The following ABCC12 variants were observed in gnomAD, a reference collection of about 807,000 sequenced individuals.
The protein encoded by ABCC12 is ATP binding cassette subfamily C member 12, also known as ATP-binding cassette sub-family C member 12.
In ABCC12, 142 loss-of-function variants were observed where a neutral mutation model predicts 151.1. That is an observed-to-expected ratio of 0.94 (90% CI 0.82 to 1.08). The LOEUF is 1.08. Ranked by LOEUF, ABCC12 falls within the 50% of genes least tolerant of loss-of-function variation. The pLI is 0.00. For missense variants in ABCC12, 1,638 were observed against 1,691.1 expected (o/e 0.97, Z 0.55); for synonymous variants, 645 against 646.4 (o/e 1.00, Z 0.03).
At position 48,100,891 on chromosome 16, in the gene ABCC12, T is replaced by C. The variant is rs1236541808; in HGVS notation, c.3019A>G (p.Lys1007Glu). ...GLGIIHAYGK[K>E]ESCITYHLLY... Reference sequence around the variant, plus strand: ...ACTCACTAGGTGATGCAGCTCTCCTTCTTGCCATAGGCGTGAATGATGCCC... The same window carrying C: ...ACTCACTAGGTGATGCAGCTCTCCTCCTTGCCATAGGCGTGAATGATGCCC... Residue 1007 changes from lysine (K) to glutamate (E), a missense_variant, in exon 23 of 31, where the codon AAG becomes GAG. Physicochemically the swap from Lys to Glu is moderately conservative, Grantham distance 56. Transcript: ENST00000311303. 6.2e-7 allele frequency: 1 copy of C among 1,614,064 alleles called. No homozygotes were observed. Among genetic ancestry groups the C allele is most frequent in the Non-Finnish European group, 8.5e-7 (1 of 1,180,022 alleles).
intron 11 of ABCC12, among the ~76,000 whole-genome samples, chr16:48,124,932 A>G (rs758284303): frequency 1.3e-5 from 2 of 152,256 alleles, no homozygotes; most frequent in Non-Finnish European, 2.9e-5. Flanking sequence ...CAAGACAAGC[A>G]AATGAAATGT....
rs1190722301 is a variant in ABCC12, at chr16:48,138,390, C to A, written c.832-15G>T. The A allele has an allele frequency of 6.2e-7, 1 of 1,600,122 alleles. No individual in the cohort carries two copies. Among genetic ancestry groups the A allele is most frequent in the African/African-American group, 1.3e-5 (1 of 74,780 alleles). ...GCCATAAACATCTGAAATCAAGGTA[C>A]AAACACTGTTTTCAGAGAGAAGTGC... On this transcript the variant is annotated splice_polypyrimidine_tract_variant and intron_variant, in intron 7 of 30. Transcript: ENST00000311303.
chr16:48,144,120 C>T, intron 3 of ABCC12, 55 bp from the exon 4 acceptor site: 1 of 1,565,058 alleles, frequency 6.4e-7, no homozygotes, highest in Non-Finnish European at 8.7e-7. Context: ...TGCCCCAACT[C>T]TCTCTCTGGA....
At chr16:48,140,513 C>G (rs1964767143) in intron 6 of ABCC12, among the ~76,000 whole-genome samples, 174 bp downstream of exon 6, 1 of 152,116 alleles carries the variant, frequency 6.6e-6, no homozygotes, top group Admixed American at 6.6e-5. Context: ...CCTCTCTGAA[C>G]TCCTCTGGTG....
In ABCC12 at chr16:48,139,266, G is replaced by T. The variant is rs772962580; in HGVS notation, c.728C>A (p.Thr243Asn). The T allele has an allele frequency of 8.1e-6, 13 of 1,614,046 alleles. No homozygotes were observed. The highest frequency in any genetic ancestry group is 7.6e-6 in the Non-Finnish European group (9 of 1,180,024). ...EAALFCPLPA[T>N]IPILMVFCAA... ...ACAAAAGACCATTAGGATCGGGATG[G>T]TGGCTGGCAAAGGACAAAACAAGGC... The change falls in exon 7 of 31, where the codon ACC becomes AAC. Residue 243 changes from threonine (T) to asparagine (N), a missense_variant. Coordinates refer to ENST00000311303, the MANE Select transcript of ABCC12 (RefSeq NM_001393797.1).
At position 48,104,380 on chromosome 16, in the gene ABCC12, G is replaced by T; in HGVS notation, c.2674-12C>A. ...GGGCTCTTTAAGATCTGTGGAGAATGGTAGAGAGTCAAACAGAGTCGAGAT... is the reference window on the plus strand; with the variant it reads ...GGGCTCTTTAAGATCTGTGGAGAATTGTAGAGAGTCAAACAGAGTCGAGAT... On this transcript the variant is annotated splice_polypyrimidine_tract_variant and intron_variant, in intron 21 of 30. Transcript: ENST00000311303. 1 of 1,612,052 alleles carries T rather than the reference G, an allele frequency of 6.2e-7. No homozygotes were observed. Among genetic ancestry groups the T allele is most frequent in the South Asian group, 1.1e-5 (1 of 91,004 alleles).
intron 8 of ABCC12, among the ~76,000 whole-genome samples, chr16:48,136,221 C>T (rs1252422159): frequency 6.6e-6 from 1 of 152,144 alleles, no homozygotes; most frequent in South Asian, 2.1e-4. Flanking sequence ...ACATCCAGCA[C>T]CCCCTAGTCC....
chr16:48,109,551 C>T (rs181127840), intron 18 of ABCC12, among the ~76,000 whole-genome samples: 2 of 152,348 alleles, frequency 1.3e-5, no homozygotes, highest in African/African-American at 4.8e-5. Flanking sequence ...ACCCCACATA[C>T]AGACTGTGCA....
chr16:48,124,299 G>C lies in ABCC12; in HGVS notation c.1516-15C>G, dbSNP rs772675377. On this transcript the variant is annotated splice_polypyrimidine_tract_variant and intron_variant, in intron 11 of 30. Coordinates refer to ENST00000311303, the MANE Select transcript of ABCC12 (RefSeq NM_001393797.1). ...AAGATCTTCCCCTGCCAGAGAAACA[G>C]AGATGGGACACAGTCACTCTCTCCC... 6.2e-7 allele frequency: 1 copy of C among 1,612,882 alleles called. No individual in the cohort carries two copies. The highest frequency in any genetic ancestry group is 8.5e-7 in the Non-Finnish European group (1 of 1,178,852).
rs751803761 is a variant in ABCC12 at position 48,083,997 on chromosome 16, G to C, written c.3905C>G (p.Ala1302Gly). The change falls in exon 30 of 31, where the codon GCC becomes GGC. Residue 1302 changes from alanine to glycine, a missense_variant. By Grantham distance (60) the Ala-to-Gly change is moderately conservative. Coordinates refer to ENST00000311303, the MANE Select transcript of ABCC12 (RefSeq NM_001393797.1). ...DTLVQNTIKD[A>G]FKGCTVLTIA... ...GGTCAGCACAGTGCAGCCCTTGAAGGCATCTTTGATGGTGTTCTGAACCAG... is the reference window on the plus strand; with the variant it reads ...GGTCAGCACAGTGCAGCCCTTGAAGCCATCTTTGATGGTGTTCTGAACCAG... The C allele has an allele frequency of 7.4e-6, 12 of 1,612,682 alleles. No homozygotes were observed. The highest frequency in any genetic ancestry group is 1.0e-5 in the Non-Finnish European group (12 of 1,179,720).
intron 9 of ABCC12, among the ~76,000 whole-genome samples, chr16:48,132,142 T>C (rs1964447741): frequency 6.6e-6 from 1 of 152,254 alleles, no homozygotes; most frequent in South Asian, 2.1e-4. Flanking sequence ...TTGCTTGATA[T>C]GTTGCTGGAG....
chr16:48,086,030 C>G (rs1335473137), intron 28 of ABCC12, among the ~76,000 whole-genome samples: 1 of 152,128 alleles, frequency 6.6e-6, no homozygotes, highest in East Asian at 1.9e-4. Context: ...TTTCCAGGGA[C>G]CAAATAGAGA....
rs1310144501 is a variant in ABCC12, at chr16:48,133,850, A to G, written c.980-15T>C. The G allele has an allele frequency of 1.9e-6, 3 of 1,614,060 alleles. No individual in the cohort carries two copies. On this transcript the variant is annotated splice_polypyrimidine_tract_variant and intron_variant, in intron 8 of 30. Transcript: ENST00000311303. ...CCTTCTTATATCTGCAAAATAGAAC[A>G]CAGTCCAAGGTGGTCTCATTTTGCA...
At chr16:48,138,199 G>A in intron 8 of ABCC12, 29 bp downstream of exon 8, 1 of 1,578,066 alleles carries the variant, frequency 6.3e-7, no homozygotes, top group Non-Finnish European at 8.7e-7. Context: ...CAAGGTAAGT[G>A]GTTCTTTAAG....
At chr16:48,141,669 G>A (rs1964821511) in intron 4 of ABCC12, among the ~76,000 whole-genome samples, 1 of 152,214 alleles carries the variant, frequency 6.6e-6, no homozygotes, top group African/African-American at 2.4e-5. Context: ...GAGGCCAAGA[G>A]AAAAATCTCA....
intron 10 of ABCC12, 38 bp downstream of exon 10, chr16:48,130,750 G>T: frequency 6.6e-7 from 1 of 1,509,276 alleles, no homozygotes. Flanking sequence ...ACCCCAAAAT[G>T]AGATCTCTCT....
At chr16:48,096,213 T>A (rs1030299109) in intron 24 of ABCC12, among the ~76,000 whole-genome samples, 1 of 152,242 alleles carries the variant, frequency 6.6e-6, no homozygotes, top group African/African-American at 2.4e-5. Flanking sequence ...ATATTATGAC[T>A]GTCTCCCCAG....
At position 48,091,176 on chromosome 16, in the gene ABCC12, C is replaced by T. The variant is rs1962872582; in HGVS notation, c.3229G>A (p.Gly1077Arg). Residue 1077 changes from glycine (G) to arginine (R), a missense_variant, in exon 25 of 31, where the codon GGA (glycine) becomes AGA (arginine). By Grantham distance (125) the Gly-to-Arg change is moderately radical. Coordinates refer to ENST00000311303, the MANE Select transcript of ABCC12 (RefSeq NM_001393797.1). Reference sequence around the variant, plus strand: ...GTGAATTTGGCTTGCGTCTCTGTTCCCGTTCGCACACACACTTGGAGCAGT... The same window carrying T: ...GTGAATTTGGCTTGCGTCTCTGTTCTCGTTCGCACACACACTTGGAGCAGT... ...SGLLQVCVRT[G>R]TETQAKFTSV... The T allele has an allele frequency of 1.2e-6, 2 of 1,614,166 alleles. No homozygotes were observed. The highest frequency in any genetic ancestry group is 4.5e-5 in the East Asian group (2 of 44,878).
intron 21 of ABCC12, 107 bp from the exon 22 acceptor site, chr16:48,104,475 G>C: frequency 1.0e-6 from 1 of 978,450 alleles, no homozygotes. Context: ...CTTTTTTCCA[G>C]GGCACAACAC....
Sources: allele counts gnomAD v4.1 joint callset (sites outside exome capture counted in the v4.1 genomes callset), GRCh38; gene constraint gnomAD v4.1.1; transcripts MANE v1.5; gene names NCBI Gene and HGNC (gene_info 2026-07-23, HGNC 2026-07-21).